The following PREX2 variants were observed in gnomAD, a reference collection of about 807,000 sequenced individuals.
PREX2 encodes the protein phosphatidylinositol-3,4,5-trisphosphate dependent Rac exchange factor 2, also known as phosphatidylinositol 3,4,5-trisphosphate-dependent Rac exchanger 2 protein.
Under a neutral mutation model 203.2 loss-of-function variants are expected in PREX2, and 107 were observed. That is an observed-to-expected ratio of 0.53 (90% CI 0.45 to 0.62). PREX2 has a LOEUF of 0.62. Among genes scored for constraint, PREX2 ranks in the 20% least tolerant of loss-of-function variants. The probability of loss-of-function intolerance (pLI) is 0.00; values close to 1 mark genes in which losing one functional copy is unlikely to be tolerated. For missense variants in PREX2, 1,777 were observed against 1,955.9 expected, an observed-to-expected ratio of 0.91 and a Z score of 1.72; for synonymous variants, 672 against 663.6, an observed-to-expected ratio of 1.01 and a Z score of -0.19.
chr8:68,143,831 T>C (rs1204555809), intron 33 of PREX2, among the ~76,000 whole-genome samples: 2 of 152,220 alleles, frequency 1.3e-5, no homozygotes, highest in African/African-American at 4.8e-5. Flanking sequence ...CATTTTATAT[T>C]TAAGTCTATA....
chr8:68,006,614 C>T (rs1194595734), intron 1 of PREX2, among the ~76,000 whole-genome samples: 1 of 152,164 alleles, frequency 6.6e-6, no homozygotes, highest in Non-Finnish European at 1.5e-5. Flanking sequence ...CTCCAGACTA[C>T]ACCCCCCAAT....
At position 68,218,305 on chromosome 8, in the gene PREX2, A is replaced by G. The variant is rs183549346; in HGVS notation, c.4707+587A>G. On this transcript the variant is annotated intron_variant, in intron 38 of 39. Transcript: ENST00000288368. ...ATAAATAGAATGAACTTTATTCTAT[A>G]CAGTAGCCCAATAGTATTCTAAGTG... Among the ~76,000 whole-genome samples, 4 of 152,336 alleles carry G rather than the reference A, an allele frequency of 2.6e-5. No homozygotes were observed. The South Asian group carries it at 6.2e-4, about 24-fold the overall frequency.
intron 7 of PREX2, among the ~76,000 whole-genome samples, chr8:68,039,024 T>C (rs1808114610): frequency 6.6e-6 from 1 of 152,214 alleles, no homozygotes; most frequent in Non-Finnish European, 1.5e-5. Context: ...TCTATCCTCC[T>C]AGCTGTATTC....
chr8:68,042,466 A>G (rs1014477080), intron 7 of PREX2, among the ~76,000 whole-genome samples: 3 of 152,064 alleles, frequency 2.0e-5, no homozygotes, highest in African/African-American at 4.8e-5. Context: ...CTAAAAATAT[A>G]TATCCATTTT....
At chr8:68,194,918 G>A (rs773704008) in intron 37 of PREX2, among the ~76,000 whole-genome samples, 4 of 139,578 alleles carry the variant, frequency 2.9e-5, no homozygotes, top group Non-Finnish European at 6.5e-5. Context: ...GTGTGTTCAA[G>A]CAACAACAAG....
At chr8:68,209,493 T>C (rs565335315) in intron 37 of PREX2, among the ~76,000 whole-genome samples, 1 of 152,302 alleles carries the variant, frequency 6.6e-6, no homozygotes, top group East Asian at 1.9e-4. Context: ...ATTATCACAC[T>C]AGTAGGTTTC....
chr8:68,078,897 G>A (rs924104423), intron 15 of PREX2, among the ~76,000 whole-genome samples: 2 of 152,140 alleles, frequency 1.3e-5, no homozygotes, highest in African/African-American at 4.8e-5. Flanking sequence ...CATGAACAGT[G>A]TAGCTCATGC....
intron 1 of PREX2, among the ~76,000 whole-genome samples, chr8:67,986,429 A>ATGCAGGCATCCTGTC (rs1394781756): frequency 1.3e-5 from 2 of 152,214 alleles, no homozygotes; most frequent in African/African-American, 4.8e-5. Context: ...TGCTCCATCC[A>ATGCAGGCATCCTGTC]TGCAGGCATC....
intron 3 of PREX2, among the ~76,000 whole-genome samples, chr8:68,020,108 G>C (rs1011937520): frequency 6.8e-6 from 1 of 147,040 alleles, no homozygotes; most frequent in Non-Finnish European, 1.5e-5. Context: ...AATAAACCCA[G>C]TAGCAGGAAT....
intron 20 of PREX2, among the ~76,000 whole-genome samples, chr8:68,091,762 G>T (rs770099975): frequency 6.6e-6 from 1 of 152,148 alleles, no homozygotes; most frequent in Non-Finnish European, 1.5e-5. Context: ...TCTTCTACCA[G>T]AATGTTAATA....
At chr8:68,061,275 G>C (rs1462422890) in intron 11 of PREX2, among the ~76,000 whole-genome samples, 3 of 152,216 alleles carry the variant, frequency 2.0e-5, no homozygotes, top group Non-Finnish European at 4.4e-5. Context: ...CTGGCGAGGG[G>C]AGGTGTGGCA....
chr8:68,084,532 C>T (rs1006801553), intron 18 of PREX2, among the ~76,000 whole-genome samples: 1 of 152,094 alleles, frequency 6.6e-6, no homozygotes, highest in Admixed American at 6.6e-5. Context: ...GCTGGGTTCT[C>T]CCTAGTGAGT....
Position 67,975,272 on chromosome 8 carries a change from G to GTTT in PREX2, c.141+22762_141+22764dup, listed in dbSNP as rs75276095. On this transcript the variant is annotated intron_variant, in intron 1 of 39. Coordinates refer to ENST00000288368, the MANE Select transcript of PREX2 (RefSeq NM_024870.4). ...GGCTGATGTTACCTGCACACGGCCT[G>GTTT]TTTTTTTTTTTTTTTTTTTTTTTTT... is the stretch of plus-strand genomic sequence containing the variant. 7.1e-3 allele frequency among the ~76,000 whole-genome samples: 690 copies of GTTT among 96,738 alleles called. 67 individuals carry two copies. The highest frequency in any genetic ancestry group is 0.029 in the African/African-American group (641 of 22,124). 63.5% of individuals were successfully genotyped at this position (96,738 alleles called of 152,430 possible).
intron 39 of PREX2, among the ~76,000 whole-genome samples, chr8:68,225,881 T>A (rs905678394): frequency 2.6e-5 from 4 of 152,186 alleles, no homozygotes; most frequent in African/African-American, 9.7e-5. Context: ...GTGTTAAAAT[T>A]CCAATAAGAA....
intron 1 of PREX2, among the ~76,000 whole-genome samples, chr8:67,994,332 C>G (rs7464461): frequency 0.22 from 33,835 of 152,172 alleles, 4,846 homozygotes; most frequent in East Asian, 0.54. Flanking sequence ...TTGCGTTTGA[C>G]AGGCATTTCA....
intron 11 of PREX2, among the ~76,000 whole-genome samples, chr8:68,064,336 T>C (rs1032121703): frequency 1.3e-5 from 2 of 152,100 alleles, no homozygotes; most frequent in Non-Finnish European, 2.9e-5. Context: ...TGTAAGTGCA[T>C]AAATTATGTT....
intron 33 of PREX2, among the ~76,000 whole-genome samples, chr8:68,144,983 G>A (rs868834721): frequency 8.9e-4 from 136 of 152,078 alleles, no homozygotes; most frequent in African/African-American, 3.2e-3. Context: ...AAAGATGAAG[G>A]GTATGGAATT....
intron 35 of PREX2, among the ~76,000 whole-genome samples, chr8:68,186,698 G>C (rs1812197489): frequency 6.6e-6 from 1 of 152,038 alleles, no homozygotes; most frequent in South Asian, 2.1e-4. Flanking sequence ...ATTTTTAGTA[G>C]AGACAGGGTT....
Position 68,119,527 on chromosome 8 carries a change from ATTTGTGGGGCT to A in PREX2, c.3504+19_3504+29del. 6.3e-7 allele frequency: 1 copy of A among 1,597,094 alleles called. No individual in the cohort carries two copies. The highest frequency in any genetic ancestry group is 2.2e-5 in the East Asian group (1 of 44,770). On this transcript the variant is annotated intron_variant, in intron 28 of 39. Coordinates refer to ENST00000288368, the MANE Select transcript of PREX2 (RefSeq NM_024870.4). ...TCTTTTCAGCCAGGTACAATCGGGC[ATTTGTGGGGCT>A]TTTGTTCCACAACTAAACTGTGAGG...
Sources: gnomAD v4.1 joint callset for allele counts (sites outside exome capture counted in the v4.1 genomes callset) on GRCh38, gnomAD v4.1.1 for gene constraint, MANE v1.5 for transcripts, NCBI Gene and HGNC (gene_info 2026-07-23, HGNC 2026-07-21) for gene names.